The following TRAPPC6A variants were observed in gnomAD, a reference collection of about 807,000 sequenced individuals.
TRAPPC6A encodes the protein trafficking protein particle complex subunit 6A.
A neutral mutation model predicts 20.8 loss-of-function variants in TRAPPC6A; 25 were observed. That is an observed-to-expected ratio of 1.20 (90% confidence interval 0.88 to 1.68). The LOEUF is 1.68. TRAPPC6A is among the 40% of genes most tolerant of loss of function. The probability of loss-of-function intolerance (pLI) is 0.00; values close to 1 mark genes in which losing one functional copy is unlikely to be tolerated. For missense variants in TRAPPC6A, 215 were observed against 211.6 expected (o/e 1.02, Z -0.10); for synonymous variants, 96 against 93.3 (o/e 1.03, Z -0.16).
chr19:45,166,295 C>T (rs937958385), intron 1 of TRAPPC6A, among the ~76,000 whole-genome samples: 1 of 152,028 alleles, frequency 6.6e-6, no homozygotes, highest in South Asian at 2.1e-4. Flanking sequence ...CAACCTCCGC[C>T]TCCCGGGTTC....
intron 1 of TRAPPC6A, among the ~76,000 whole-genome samples, chr19:45,169,359 C>A (rs1020223059): frequency 6.6e-6 from 1 of 152,190 alleles, no homozygotes; most frequent in African/African-American, 2.4e-5. Flanking sequence ...TGCAATGGCA[C>A]GATCTTGGCT....
intron 1 of TRAPPC6A, among the ~76,000 whole-genome samples, chr19:45,168,165 G>T (rs1479293721): frequency 6.6e-6 from 1 of 151,998 alleles, no homozygotes; most frequent in African/African-American, 2.4e-5. Context: ...ACCACGCCCA[G>T]CTAATTTTTT....
chr19:45,177,631 T>C (rs1399052734), intron 1 of TRAPPC6A, among the ~76,000 whole-genome samples: 4 of 152,144 alleles, frequency 2.6e-5, no homozygotes, highest in Non-Finnish European at 5.9e-5. Flanking sequence ...TATTTCATTT[T>C]ATTATTTGAC....
At chr19:45,174,332 T>G (rs1355209547) in intron 1 of TRAPPC6A, among the ~76,000 whole-genome samples, 1 of 151,904 alleles carries the variant, frequency 6.6e-6, no homozygotes, top group Non-Finnish European at 1.5e-5. Flanking sequence ...ATAAGCCAAA[T>G]GAATCCCAGT....
rs1481873272 is a variant in TRAPPC6A at position 45,164,870 on chromosome 19, G to T, written c.253C>A (p.Leu85Met). 1.9e-6 allele frequency: 3 copies of T among 1,614,070 alleles called. No individual in the cohort carries two copies. The highest frequency in any genetic ancestry group is 1.7e-6 in the Non-Finnish European group (2 of 1,179,960). Residue 85 changes from leucine (L) to methionine (M), a missense_variant, in exon 3 of 6, where the codon CTG (leucine) becomes ATG (methionine). Leu to Met is a conservative substitution (Grantham distance 15). Transcript: ENST00000585934. ...GCTCCCACCTGGTGATTGGTGCGCAGGCTGTCCATCTGCTTCTGGAACACC... is the reference window on the plus strand; with the variant it reads ...GCTCCCACCTGGTGATTGGTGCGCATGCTGTCCATCTGCTTCTGGAACACC... ...VAVFQKQMDSLRTNHQGTYVL... is the reference protein window; with the variant it reads ...VAVFQKQMDSMRTNHQGTYVL...
intron 1 of TRAPPC6A, among the ~76,000 whole-genome samples, chr19:45,177,887 A>G (rs1280162000): frequency 6.6e-6 from 1 of 152,200 alleles, no homozygotes; most frequent in African/African-American, 2.4e-5. Flanking sequence ...CATTATTATG[A>G]TTACTAGCCG....
At chr19:45,167,694 G>A (rs553546121) in intron 1 of TRAPPC6A, among the ~76,000 whole-genome samples, 1 of 152,294 alleles carries the variant, frequency 6.6e-6, no homozygotes, top group East Asian at 1.9e-4. Context: ...TTTTGGCCAG[G>A]CGGGTCTCGA....
Position 45,163,426 on chromosome 19 carries a change from G to A in TRAPPC6A, c.449-203C>T, listed in dbSNP as rs542385353. Among the ~76,000 whole-genome samples, 10 of 152,280 alleles carry A rather than the reference G, an allele frequency of 6.6e-5. No individual in the cohort carries two copies. Among genetic ancestry groups the A allele is most frequent in the East Asian group, 3.9e-4 (2 of 5,154 alleles). Reference sequence around the variant, plus strand: ...GCCACGGATGTGGCCCCAGGGAAGCGCCCGGCACGGGCTTCTGTGGTATGC... The same window carrying A: ...GCCACGGATGTGGCCCCAGGGAAGCACCCGGCACGGGCTTCTGTGGTATGC... On this transcript the variant is annotated intron_variant, in intron 5 of 5. Transcript: ENST00000585934. This position sits in a 1 kb window ranked among gnomAD's most constrained non-coding sequence, Gnocchi z 5.3.
chr19:45,166,642 T>C (rs1969159578), intron 1 of TRAPPC6A, among the ~76,000 whole-genome samples: 1 of 151,700 alleles, frequency 6.6e-6, no homozygotes, highest in Non-Finnish European at 1.5e-5. Context: ...AGAGAAAGCC[T>C]GGCAGAGCAG....
At chr19:45,174,357 A>C (rs867081979) in intron 1 of TRAPPC6A, among the ~76,000 whole-genome samples, 352 of 152,076 alleles carry the variant, frequency 2.3e-3, no homozygotes, top group Admixed American at 5.8e-3. Flanking sequence ...ACCCATCCCC[A>C]CCTGCCACGG....
chr19:45,163,878 A>C lies in TRAPPC6A; in HGVS notation c.448+38T>G. 2.7e-6 allele frequency: 4 copies of C among 1,504,062 alleles called. No individual in the cohort carries two copies. The highest frequency in any genetic ancestry group is 3.6e-6 in the Non-Finnish European group (4 of 1,103,344). 93.2% of individuals were successfully genotyped at this position (1,504,062 alleles called of 1,614,324 possible). A position where few individuals can be genotyped will look rare whatever the true frequency, so the allele number is the denominator to read the frequency against. ...GGAACTCTGAAGCCCCCAGCAACTC[A>C]AGGGATGAGAAGAATCCCCCCACCC... On this transcript the variant is annotated intron_variant, in intron 5 of 5. Coordinates refer to ENST00000585934, the MANE Select transcript of TRAPPC6A (RefSeq NM_001270891.2). The surrounding 1 kb of genome is among the most constrained non-coding windows in gnomAD (Gnocchi z 5.3).
chr19:45,177,182 C>T (rs993972159), intron 1 of TRAPPC6A, among the ~76,000 whole-genome samples: 1 of 121,396 alleles, frequency 8.2e-6, no homozygotes, highest in Non-Finnish European at 1.6e-5. Flanking sequence ...GAGCAGGATG[C>T]GCGTGCGCGC....
chr19:45,177,977 C>G, intron 1 of TRAPPC6A, 158 bp downstream of exon 1: 1 of 1,384,286 alleles, frequency 7.2e-7, no homozygotes. Context: ...GGCACCGTCG[C>G]GAACGCCACT....
intron 1 of TRAPPC6A, among the ~76,000 whole-genome samples, chr19:45,168,213 C>A (rs1334959560): frequency 6.6e-6 from 1 of 151,820 alleles, no homozygotes; most frequent in Non-Finnish European, 1.5e-5. Context: ...CCATGTTAGC[C>A]AGGATGGTCT....
Position 45,164,251 on chromosome 19 carries a change from G to C in TRAPPC6A, c.271-4C>G, listed in dbSNP as rs757463522. On this transcript the variant is annotated splice_polypyrimidine_tract_variant and splice_region_variant and intron_variant, in intron 3 of 5. Coordinates refer to ENST00000585934, the MANE Select transcript of TRAPPC6A (RefSeq NM_001270891.2). ...TGTCTTGCAGGACGTAGGTCCCCTG[G>C]GGGAGAGGAGAGGCTGGTGGGTGGG... 6.3e-6 allele frequency: 10 copies of C among 1,595,436 alleles called. No individual in the cohort carries two copies. In the Admixed American group the frequency reaches 1.6e-4, roughly 25 times the overall value.
intron 1 of TRAPPC6A, among the ~76,000 whole-genome samples, chr19:45,175,565 A>G (rs1326648822): frequency 6.6e-6 from 1 of 152,128 alleles, no homozygotes; most frequent in African/African-American, 2.4e-5. Context: ...TCCCTGAGGA[A>G]GGGATTGTTA....
At chr19:45,171,354 A>AG (rs1300783859) in intron 1 of TRAPPC6A, among the ~76,000 whole-genome samples, 1 of 151,820 alleles carries the variant, frequency 6.6e-6, no homozygotes, top group African/African-American at 2.4e-5. Flanking sequence ...CTGGCCAGAC[A>AG]GAGACTCTCC....
intron 1 of TRAPPC6A, among the ~76,000 whole-genome samples, chr19:45,176,152 C>T (rs200696188): frequency 1.3e-5 from 2 of 152,016 alleles, no homozygotes; most frequent in Non-Finnish European, 2.9e-5. Context: ...GTCATCACGC[C>T]CAGCTAATTT....
At chr19:45,175,335 G>A (rs183933510) in intron 1 of TRAPPC6A, among the ~76,000 whole-genome samples, 4,304 of 136,736 alleles carry the variant, frequency 0.031, 210 homozygotes, top group African/African-American at 0.11. Context: ...GCTGAGGCAG[G>A]AGAATGGCAT....
Sources: allele counts gnomAD v4.1 joint callset (sites outside exome capture counted in the v4.1 genomes callset), GRCh38; gene constraint gnomAD v4.1.1; non-coding constraint Gnocchi (gnomAD v3.1); transcripts MANE v1.5; gene names NCBI Gene and HGNC (gene_info 2026-07-23, HGNC 2026-07-21).